Variants in TMEM18 observed in about 807,000 individuals in gnomAD.
The protein encoded by TMEM18 is transmembrane protein 18.
In TMEM18, 14 loss-of-function variants were observed where a neutral mutation model predicts 17.4. The ratio of observed to expected loss-of-function variants is 0.80; its 90% CI spans 0.53 to 1.25. The LOEUF (loss-of-function observed/expected upper bound fraction) is 1.25. TMEM18 is among the 50% of genes most tolerant of loss of function. The pLI, the probability that TMEM18 is intolerant of heterozygous loss-of-function variation, is 0.00. For synonymous variants in TMEM18, 86 were observed against 66.1 expected, an observed-to-expected ratio of 1.30 and a Z score of -1.46; for missense variants, 187 against 172.1, an observed-to-expected ratio of 1.09 and a Z score of -0.48.
Position 668,759 on chromosome 2 carries a change from T to C in TMEM18, c.*821A>G, listed in dbSNP as rs1450181229. 6.6e-6 allele frequency: 1 copy of C among 152,200 alleles called. No homozygotes were observed. Among genetic ancestry groups the C allele is most frequent in the African/African-American group, 2.4e-5 (1 of 41,444 alleles). The allele number at this position is 152,200 out of a possible 1,614,324, so 9.4% of individuals were successfully genotyped here. A position where few individuals can be genotyped will look rare whatever the true frequency, so the allele number is the denominator to read the frequency against. On this transcript the variant is annotated 3_prime_UTR_variant, in exon 5 of 5. Coordinates refer to ENST00000281017, the MANE Select transcript of TMEM18 (RefSeq NM_152834.4). ...AACAGTATGCCTGTCCTAACAGAAC[T>C]GGGAGCATTGTGTTCCCAAGCACCT...
At chr2:676,671 C>T in intron 1 of TMEM18, 1 of 1,545,956 alleles carries the variant, frequency 6.5e-7, no homozygotes, top group South Asian at 1.2e-5. Flanking sequence ...GGGGCGTGGG[C>T]TCCCCTGGGA....
Position 677,380 on chromosome 2 carries a change from A to C in TMEM18, c.-35T>G. 1 of 1,606,292 alleles carries C rather than the reference A, an allele frequency of 6.2e-7. No homozygotes were observed. Among genetic ancestry groups the C allele is most frequent in the African/African-American group, 1.3e-5 (1 of 75,042 alleles). ...AAGCCCGCTCTCACAGCAACCGCCG[A>C]ACCCGGCCTGGCCAGAATCCACAGA... On this transcript the variant is annotated 5_prime_UTR_variant, in exon 1 of 5. Coordinates refer to ENST00000281017, the MANE Select transcript of TMEM18 (RefSeq NM_152834.4).
chr2:672,722 T>C (rs1205946155), intron 3 of TMEM18, 86 bp downstream of exon 3: 28 of 1,243,952 alleles, frequency 2.3e-5, no homozygotes, highest in Admixed American at 1.9e-4. Context: ...GGATTCACTG[T>C]CTCCTCCGCG....
chr2:676,784 C>T, intron 1 of TMEM18: 1 of 795,428 alleles, frequency 1.3e-6, no homozygotes, highest in Non-Finnish European at 2.0e-6. Context: ...CCCCGCCGCA[C>T]TGCCAGAATC....
rs1659210777 is a variant in TMEM18 at position 676,302 on chromosome 2, C to T, written c.58-672G>A. The T allele has an allele frequency of 3.4e-6, 5 of 1,483,576 alleles. No individual in the cohort carries two copies. The African/African-American group carries it at 4.2e-5, about 12-fold the overall frequency. 91.9% of individuals were successfully genotyped at this position (1,483,576 alleles called of 1,614,324 possible). A position where few individuals can be genotyped will look rare whatever the true frequency, so the allele number is the denominator to read the frequency against. On this transcript the variant is annotated intron_variant, in intron 1 of 4. Transcript: ENST00000281017. ...GGCTCAGATCCACTGCTGCTCAGTC[C>T]CCACCTGATGCTCAGATGCCAATCC...
rs145166405 is a variant in TMEM18, at chr2:669,343, T to C, written c.*237A>G. On this transcript the variant is annotated 3_prime_UTR_variant, in exon 5 of 5. Transcript: ENST00000281017. ...CAGTTATGAAGCTCTGCAGAGACCG[T>C]TCCCACAGCCTGACTACAAAGATCA... 13 of 555,552 alleles carry C rather than the reference T, an allele frequency of 2.3e-5. No homozygotes were observed. The highest frequency in any genetic ancestry group is 1.5e-4 in the African/African-American group (8 of 53,494). 34.4% of individuals were successfully genotyped at this position (555,552 alleles called of 1,614,324 possible).
chr2:674,912 C>T (rs1415199986), intron 2 of TMEM18, among the ~76,000 whole-genome samples: 1 of 152,224 alleles, frequency 6.6e-6, no homozygotes, highest in East Asian at 1.9e-4. Flanking sequence ...CTGATCCACA[C>T]CTTCCATCTA....
intron 1 of TMEM18, chr2:676,344 TCCC>T: frequency 6.9e-7 from 1 of 1,451,134 alleles, no homozygotes; most frequent in Admixed American, 2.3e-5. Context: ...TCCTCAACCC[TCCC>T]CATCCCCTCC....
In TMEM18 at chr2:663,969, T is replaced by C. The variant is rs1032555546; in HGVS notation, c.*5611A>G. 6.6e-6 allele frequency among the ~76,000 whole-genome samples: 1 copy of C among 152,218 alleles called. No individual in the cohort carries two copies. Among genetic ancestry groups the C allele is most frequent in the Non-Finnish European group, 1.5e-5 (1 of 68,042 alleles). Reference sequence around the variant, plus strand: ...ATCCATTCCTAGGTAAACCATGGCTTCTGGCTTCAAATTCACAATTCCTAA... The same window carrying C: ...ATCCATTCCTAGGTAAACCATGGCTCCTGGCTTCAAATTCACAATTCCTAA... On this transcript the variant is annotated 3_prime_UTR_variant, in exon 5 of 5. Transcript: ENST00000281017.
intron 3 of TMEM18, among the ~76,000 whole-genome samples, chr2:672,433 T>C (rs1678874415): frequency 6.6e-6 from 1 of 151,802 alleles, no homozygotes. Context: ...CCTACTCAGG[T>C]CCAGACTCCC....
chr2:677,336 C>T lies in TMEM18; in HGVS notation c.10G>A (p.Ala4Thr), dbSNP rs1659290184. MPS[A>T]FSVSSFPVSI... ...ACGGGGAAAGAGCTGACAGAGAAGGCGGACGGCATGGTGTTGGGAAGCCCG... is the reference window on the plus strand; with the variant it reads ...ACGGGGAAAGAGCTGACAGAGAAGGTGGACGGCATGGTGTTGGGAAGCCCG... The change falls in exon 1 of 5, where the codon GCC (alanine) becomes ACC (threonine). Residue 4 changes from alanine to threonine, a missense_variant. Ala to Thr is a moderately conservative substitution (Grantham distance 58). Coordinates refer to ENST00000281017, the MANE Select transcript of TMEM18 (RefSeq NM_152834.4). The T allele has an allele frequency of 1.9e-6, 3 of 1,612,180 alleles. No individual in the cohort carries two copies. The highest frequency in any genetic ancestry group is 2.2e-5 in the South Asian group (2 of 90,696).
chr2:676,141 G>C (rs1312244325), intron 1 of TMEM18: 2 of 1,327,590 alleles, frequency 1.5e-6, no homozygotes, highest in Non-Finnish European at 2.0e-6. Context: ...ATCGCCACGT[G>C]CAAGACTTGA....
chr2:677,403 A>C lies in TMEM18; in HGVS notation c.-58T>G, dbSNP rs1023856942. 6.3e-7 allele frequency: 1 copy of C among 1,587,110 alleles called. No individual in the cohort carries two copies. The highest frequency in any genetic ancestry group is 8.6e-7 in the Non-Finnish European group (1 of 1,166,810). On this transcript the variant is annotated 5_prime_UTR_variant, in exon 1 of 5. Coordinates refer to ENST00000281017, the MANE Select transcript of TMEM18 (RefSeq NM_152834.4). The stretch of plus-strand genomic sequence containing the variant: ...CGAACCCGGCCTGGCCAGAATCCAC[A>C]GAGGAGGGCGCCAAATCCTCTCTCG...
At chr2:672,688 G>T in intron 3 of TMEM18, 120 bp downstream of exon 3, 3 of 868,064 alleles carry the variant, frequency 3.5e-6, no homozygotes, top group Admixed American at 3.8e-5. Flanking sequence ...GCACGGGCAC[G>T]GGCTGTGCAC....
chr2:666,490 C>T lies in TMEM18; in HGVS notation c.*3090G>A, dbSNP rs770854113. Among the ~76,000 whole-genome samples the T allele has an allele frequency of 5.9e-5, 9 of 152,224 alleles. No homozygotes were observed. The highest frequency in any genetic ancestry group is 1.2e-4 in the Non-Finnish European group (8 of 68,040). On this transcript the variant is annotated 3_prime_UTR_variant, in exon 5 of 5. Transcript: ENST00000281017. ...CATCGGAGGAAGAGGAGCTAGAAAGCTTACCAGGCCGATGAGGATGCTTGC... is the reference window on the plus strand; with the variant it reads ...CATCGGAGGAAGAGGAGCTAGAAAGTTTACCAGGCCGATGAGGATGCTTGC...
chr2:676,498 G>T, intron 1 of TMEM18: 1 of 1,516,364 alleles, frequency 6.6e-7, no homozygotes, highest in Non-Finnish European at 8.9e-7. Context: ...CTCTCTGCTG[G>T]GGACCGCAGC....
intron 1 of TMEM18, chr2:676,748 C>T: frequency 9.2e-7 from 1 of 1,092,270 alleles, no homozygotes; most frequent in Non-Finnish European, 1.3e-6. Flanking sequence ...CGTGCCACCC[C>T]ACACGATCAG....
chr2:668,139 G>A lies in TMEM18; in HGVS notation c.*1441C>T, dbSNP rs1043470435. On this transcript the variant is annotated 3_prime_UTR_variant, in exon 5 of 5. Coordinates refer to ENST00000281017, the MANE Select transcript of TMEM18 (RefSeq NM_152834.4). Reference sequence around the variant, plus strand: ...GCTGTCTTTAAAACCAGCAGATCTTGTGAGAACTCCCTCTCTATTATGATA... The same window carrying A: ...GCTGTCTTTAAAACCAGCAGATCTTATGAGAACTCCCTCTCTATTATGATA... 6.6e-6 allele frequency: 1 copy of A among 152,160 alleles called. No individual in the cohort carries two copies. Among genetic ancestry groups the A allele is most frequent in the African/African-American group, 2.4e-5 (1 of 41,436 alleles). The allele number at this position is 152,160 out of a possible 1,614,324, so 9.4% of individuals were successfully genotyped here. A position where few individuals can be genotyped will look rare whatever the true frequency, so the allele number is the denominator to read the frequency against.
In TMEM18 at chr2:669,549, A is replaced by C. The variant is rs1179602945; in HGVS notation, c.*31T>G. 5 of 1,610,024 alleles carry C rather than the reference A, an allele frequency of 3.1e-6. No homozygotes were observed. The highest frequency in any genetic ancestry group is 4.3e-6 in the Non-Finnish European group (5 of 1,176,416). ...CTGGGAGCTGCACTGGGTGGACGGG[A>C]AGGACGCAAACTCCAAGCAGCTGCT... On this transcript the variant is annotated 3_prime_UTR_variant, in exon 5 of 5. Transcript: ENST00000281017.
Sources: allele counts gnomAD v4.1 joint callset (sites outside exome capture counted in the v4.1 genomes callset), GRCh38; gene constraint gnomAD v4.1.1; transcripts MANE v1.5; gene names NCBI Gene and HGNC (gene_info 2026-07-23, HGNC 2026-07-21).